The following CEMIP variants were observed in gnomAD, a reference collection of about 807,000 sequenced individuals.
CEMIP encodes the protein cell migration-inducing and hyaluronan-binding protein.
CEMIP carries 105 observed loss-of-function variants against 156.9 expected under a neutral mutation model. The ratio of observed to expected loss-of-function variants is 0.67; its 90% CI spans 0.57 to 0.79. The LOEUF is 0.79. Ranked by LOEUF, CEMIP falls within the 30% of genes least tolerant of loss-of-function variation. CEMIP has a pLI of 0.00. For missense variants in CEMIP, 1,457 were observed against 1,769.4 expected (o/e 0.82, Z 3.17); for synonymous variants, 676 against 668.4 (o/e 1.01, Z -0.17).
In CEMIP at chr15:80,932,543, G is replaced by C. The variant is rs1376182115; in HGVS notation, c.2793+504G>C. Among the ~76,000 whole-genome samples, 1 of 152,104 alleles carries C rather than the reference G, an allele frequency of 6.6e-6. No individual in the cohort carries two copies. Among genetic ancestry groups the C allele is most frequent in the Non-Finnish European group, 1.5e-5 (1 of 68,018 alleles). On this transcript the variant is annotated intron_variant, in intron 22 of 29. Coordinates refer to ENST00000394685, the MANE Select transcript of CEMIP (RefSeq NM_001293298.2). The surrounding 1 kb of genome is among the most constrained non-coding windows in gnomAD (Gnocchi z 4.5). ...GGAGGATTAGGAGATCAGGAGCAAG[G>C]GCTGCCCTGTGAGACCAGCCGGGGC...
Position 80,916,167 on chromosome 15 carries a change from G to A in CEMIP, c.1798-3927G>A, listed in dbSNP as rs150482282. Among the ~76,000 whole-genome samples, 1,083 of 152,264 alleles carry A rather than the reference G, an allele frequency of 7.1e-3. 10 individuals carry two copies. Among genetic ancestry groups the A allele is most frequent in the African/African-American group, 0.025 (1,029 of 41,534 alleles). ...TTGCACAGAATGGTCCATTTTAGAC[G>A]TGTTGTCCCAGCTTAACTACTAATC... On this transcript the variant is annotated intron_variant, in intron 14 of 29. Coordinates refer to ENST00000394685, the MANE Select transcript of CEMIP (RefSeq NM_001293298.2).
In CEMIP at chr15:80,880,994, C is replaced by T; in HGVS notation, c.475C>T (p.Leu159Phe). Residue 159 changes from leucine (L) to phenylalanine (F), a missense_variant, in exon 6 of 30, where the codon CTC becomes TTC. This residue lies in a region of CEMIP where 309 missense variants were observed against 340.8 expected (regional missense o/e 0.91). Transcript: ENST00000394685. ...GALELHGQKKLSWTFLNKTLH... is the reference protein window; with the variant it reads ...GALELHGQKKFSWTFLNKTLH... ...TCTTGAGTTGCATGGACAGAAAAAG[C>T]TCTCCTGGACATTTCTGAACAAGAC... The T allele has an allele frequency of 6.2e-7, 1 of 1,614,200 alleles. No individual in the cohort carries two copies. The highest frequency in any genetic ancestry group is 1.3e-5 in the African/African-American group (1 of 75,048).
rs1216031766 is a variant in CEMIP at position 80,909,132 on chromosome 15, C to A, written c.1623C>A (p.Gly541=). Residue 541 remains glycine, a synonymous_variant, in exon 14 of 30, where the codon GGC becomes GGA. Transcript: ENST00000394685. Reference sequence around the variant, plus strand: ...GATTTAAGGCAGCACACTTGGAGGGCACGGAGCTGAAGCATATGGGACAGC... The same window carrying A: ...GATTTAAGGCAGCACACTTGGAGGGAACGGAGCTGAAGCATATGGGACAGC... The part of the protein sequence containing the change: ...ALGFKAAHLE[G]TELKHMGQQL... 6 of 1,614,024 alleles carry A rather than the reference C, an allele frequency of 3.7e-6. No individual in the cohort carries two copies. In the Admixed American group the frequency reaches 8.3e-5, roughly 22 times the overall value.
intron 1 of CEMIP, among the ~76,000 whole-genome samples, chr15:80,839,296 G>GTA (rs2141700368): frequency 6.8e-6 from 1 of 147,962 alleles, no homozygotes; most frequent in East Asian, 2.0e-4. Flanking sequence ...GTGAGTGTGT[G>GTA]TGTGTGTGTG....
intron 1 of CEMIP, among the ~76,000 whole-genome samples, chr15:80,790,959 A>T (rs1407803871): frequency 2.0e-5 from 3 of 152,192 alleles, no homozygotes; most frequent in Admixed American, 2.0e-4. Flanking sequence ...AGCACTACAA[A>T]GTGATGGTAA....
At chr15:80,823,814 A>G (rs1419060354) in intron 1 of CEMIP, among the ~76,000 whole-genome samples, 1 of 152,234 alleles carries the variant, frequency 6.6e-6, no homozygotes, top group African/African-American at 2.4e-5. Context: ...ACAAGAAAAA[A>G]GACGATGGAC....
At chr15:80,838,187 G>A (rs1030695424) in intron 1 of CEMIP, among the ~76,000 whole-genome samples, 6 of 152,154 alleles carry the variant, frequency 3.9e-5, no homozygotes, top group Admixed American at 2.0e-4. Flanking sequence ...CGTTCCACTC[G>A]CAGGGAGCGG....
chr15:80,834,830 C>T (rs912970214), intron 1 of CEMIP, among the ~76,000 whole-genome samples: 2 of 152,034 alleles, frequency 1.3e-5, no homozygotes, highest in Non-Finnish European at 2.9e-5. Flanking sequence ...TTGGGATTCT[C>T]CCTATCAGTT....
At chr15:80,837,435 A>T (rs763857101) in intron 1 of CEMIP, among the ~76,000 whole-genome samples, 18 of 152,182 alleles carry the variant, frequency 1.2e-4, no homozygotes, top group Non-Finnish European at 2.5e-4. Context: ...CTTTATGGCA[A>T]CCTGGTACAG....
At chr15:80,860,899 G>T (rs28704131) in intron 1 of CEMIP, among the ~76,000 whole-genome samples, 6,834 of 152,086 alleles carry the variant, frequency 0.045, 504 homozygotes, top group African/African-American at 0.15. Context: ...TGTGTTCCCA[G>T]GGCATCTCCT....
Position 80,949,268 on chromosome 15 carries a change from GCAGGAGCCCTGACC to G in CEMIP, c.*348_*361del, listed in dbSNP as rs1465813801. On this transcript the variant is annotated 3_prime_UTR_variant, in exon 30 of 30. Coordinates refer to ENST00000394685, the MANE Select transcript of CEMIP (RefSeq NM_001293298.2). Reference sequence around the variant, plus strand: ...GTGCTGACAGCAAAGATCCACTTTGGCAGGAGCCCTGACCCAGCTAGGAGGTAGTCTGGAGGGCT... The same window carrying G: ...GTGCTGACAGCAAAGATCCACTTTGGCAGCTAGGAGGTAGTCTGGAGGGCT... 2.6e-6 allele frequency: 1 copy of G among 384,848 alleles called. No homozygotes were observed. Among genetic ancestry groups the G allele is most frequent in the Admixed American group, 3.7e-5 (1 of 27,364 alleles). 23.8% of individuals were successfully genotyped at this position (384,848 alleles called of 1,614,324 possible). A position where few individuals can be genotyped will look rare whatever the true frequency, so the allele number is the denominator to read the frequency against.
At chr15:80,786,713 G>A (rs558860748) in intron 1 of CEMIP, among the ~76,000 whole-genome samples, 2 of 152,074 alleles carry the variant, frequency 1.3e-5, no homozygotes, top group Non-Finnish European at 2.9e-5. Flanking sequence ...CCAGTGAGAA[G>A]GGCTGTATAT....
chr15:80,835,017 G>A (rs1020030078), intron 1 of CEMIP, among the ~76,000 whole-genome samples: 2 of 152,144 alleles, frequency 1.3e-5, no homozygotes, highest in Admixed American at 6.5e-5. Context: ...TTTCAAAATA[G>A]GGATTGTTTG....
intron 13 of CEMIP, among the ~76,000 whole-genome samples, chr15:80,908,729 C>CT (rs1899913402): frequency 6.6e-6 from 1 of 152,142 alleles, no homozygotes; most frequent in African/African-American, 2.4e-5. Context: ...ATAGGGCATG[C>CT]TTTTTGCCAG....
intron 21 of CEMIP, among the ~76,000 whole-genome samples, chr15:80,929,465 CTG>C (rs1018185930): frequency 1.2e-4 from 19 of 152,208 alleles, no homozygotes; most frequent in Non-Finnish European, 2.2e-4. Flanking sequence ...GGATCAGGGA[CTG>C]TGAGTCCTTT....
intron 17 of CEMIP, among the ~76,000 whole-genome samples, chr15:80,924,235 T>A (rs1414514409): frequency 6.6e-6 from 1 of 152,214 alleles, no homozygotes; most frequent in Non-Finnish European, 1.5e-5. Context: ...GTTCAGCATT[T>A]CCTTTAAATC....
intron 1 of CEMIP, among the ~76,000 whole-genome samples, chr15:80,793,068 C>T (rs1896123047): frequency 6.6e-6 from 1 of 152,200 alleles, no homozygotes; most frequent in Non-Finnish European, 1.5e-5. Flanking sequence ...AAAAAGCAGA[C>T]TTGCTAGTAT....
chr15:80,943,031 G>A lies in CEMIP; in HGVS notation c.3786G>A (p.Thr1262=), dbSNP rs762254209. Residue 1262 remains threonine (T), a synonymous_variant, in exon 28 of 30, where the codon ACG becomes ACA. Transcript: ENST00000394685. ...DGNQGRVVSH[T]SFRNSILQGI... is the part of the protein sequence containing the mutation. The stretch of plus-strand genomic sequence containing the variant: ...ACCAAGGGCGCGTGGTGAGCCACAC[G>A]AGCTTCAGGAACTCCATTCTGCAAG... 54 of 1,614,108 alleles carry A rather than the reference G, an allele frequency of 3.3e-5. No individual in the cohort carries two copies. The highest frequency in any genetic ancestry group is 1.3e-4 in the Admixed American group (8 of 60,010).
At chr15:80,940,698 G>A (rs2141968870) in intron 25 of CEMIP, among the ~76,000 whole-genome samples, 1 of 152,352 alleles carries the variant, frequency 6.6e-6, no homozygotes, top group African/African-American at 2.4e-5. Flanking sequence ...AGGTGCTACA[G>A]AGAGAAGACC....
Sources: allele counts gnomAD v4.1 joint callset (sites outside exome capture counted in the v4.1 genomes callset), GRCh38; gene constraint gnomAD v4.1.1; regional missense constraint gnomAD v4.1.1; non-coding constraint Gnocchi (gnomAD v3.1); transcripts MANE v1.5; gene names NCBI Gene and HGNC (gene_info 2026-07-23, HGNC 2026-07-21).